The following NFATC2 variants were observed in gnomAD, a reference collection of about 807,000 sequenced individuals.
NFATC2 encodes nuclear factor of activated T-cells, cytoplasmic 2.
Under a neutral mutation model 87.3 loss-of-function variants are expected in NFATC2, and 22 were observed. The ratio of observed to expected loss-of-function variants is 0.25; its 90% CI spans 0.18 to 0.36. The LOEUF (loss-of-function observed/expected upper bound fraction) is 0.36. Among genes scored for constraint, NFATC2 ranks in the 10% least tolerant of loss-of-function variants. NFATC2 has a pLI of 1.00. For missense variants in NFATC2, 1,149 were observed against 1,259.1 expected, an observed-to-expected ratio of 0.91 and a Z score of 1.32; for synonymous variants, 565 against 542.2, an observed-to-expected ratio of 1.04 and a Z score of -0.58.
At chr20:51,503,264 GAAACTAGA>G (rs1165710950) in intron 3 of NFATC2, among the ~76,000 whole-genome samples, 1 of 152,190 alleles carries the variant, frequency 6.6e-6, no homozygotes, top group Non-Finnish European at 1.5e-5. Flanking sequence ...ATTTATGAAA[GAAACTAGA>G]GCAGTTTGCA....
intron 3 of NFATC2, among the ~76,000 whole-genome samples, chr20:51,501,740 C>T (rs2076092596): frequency 6.6e-6 from 1 of 152,172 alleles, no homozygotes; most frequent in Non-Finnish European, 1.5e-5. Context: ...ATAGGTCTCC[C>T]TCCACCAGAA....
chr20:51,409,582 C>CA (rs1330228931), intron 9 of NFATC2, among the ~76,000 whole-genome samples: 1 of 152,186 alleles, frequency 6.6e-6, no homozygotes, highest in African/African-American at 2.4e-5. Context: ...ATGAGCCCAC[C>CA]AGACCCACCT....
intron 5 of NFATC2, among the ~76,000 whole-genome samples, chr20:51,463,175 C>G (rs901863206): frequency 1.3e-5 from 2 of 152,232 alleles, no homozygotes; most frequent in Admixed American, 6.5e-5. Context: ...GGCCAGCAGA[C>G]AGGCCCCTCA....
chr20:51,461,538 A>G (rs1316019311), intron 5 of NFATC2, among the ~76,000 whole-genome samples: 1 of 152,178 alleles, frequency 6.6e-6, no homozygotes, highest in Non-Finnish European at 1.5e-5. Flanking sequence ...TGAGCTCTGA[A>G]TCAACAGGAC....
intron 6 of NFATC2, among the ~76,000 whole-genome samples, chr20:51,448,883 TC>T (rs1985428555): frequency 6.6e-6 from 1 of 152,088 alleles, no homozygotes; most frequent in Non-Finnish European, 1.5e-5. Context: ...AATATAATAA[TC>T]ATTATTATTA....
At chr20:51,440,936 C>G (rs1451673075) in intron 6 of NFATC2, among the ~76,000 whole-genome samples, 1 of 152,190 alleles carries the variant, frequency 6.6e-6, no homozygotes, top group Non-Finnish European at 1.5e-5. Flanking sequence ...CCTGGAGAAC[C>G]CAATAATCCC....
chr20:51,427,236 G>C (rs577338195), intron 9 of NFATC2, among the ~76,000 whole-genome samples: 21 of 152,230 alleles, frequency 1.4e-4, no homozygotes, highest in Admixed American at 9.1e-4. Context: ...TGCACCCCCA[G>C]TTCAGCTGTG....
chr20:51,464,519 G>T (rs1434905139), intron 5 of NFATC2, among the ~76,000 whole-genome samples: 2 of 152,316 alleles, frequency 1.3e-5, no homozygotes, highest in East Asian at 1.9e-4. Context: ...CAGCTTTCTG[G>T]CACTTCTGAA....
Position 51,523,922 on chromosome 20 carries a change from A to T in NFATC2, c.319T>A (p.Ser107Thr), listed in dbSNP as rs918137244. 2 of 1,603,266 alleles carry T rather than the reference A, an allele frequency of 1.2e-6. No homozygotes were observed. The highest frequency in any genetic ancestry group is 8.5e-7 in the Non-Finnish European group (1 of 1,177,030). ...ATCTCGATCCGAGGGCTCAGGCCCG[A>T]GGCCCCTGCTGGCTTGGCCGCGCTC... is the stretch of plus-strand genomic sequence containing the variant. ...FLSAAKPAGA[S>T]GLSPRIEITP... is the part of the protein sequence containing the mutation. The change falls in exon 2 of 11, where the codon TCG becomes ACG. Residue 107 changes from serine to threonine, a missense_variant. Physicochemically the swap from Ser to Thr is moderately conservative, Grantham distance 58. Transcript: ENST00000371564. The surrounding 1 kb of genome is among the most constrained non-coding windows in gnomAD (Gnocchi z 6.9).
chr20:51,463,022 T>C (rs1296973500), intron 5 of NFATC2, among the ~76,000 whole-genome samples: 1 of 152,246 alleles, frequency 6.6e-6, no homozygotes, highest in East Asian at 1.9e-4. Flanking sequence ...TGAGCAACCC[T>C]GGCCTTGGCG....
chr20:51,409,495 T>C (rs933892205), intron 9 of NFATC2, among the ~76,000 whole-genome samples: 4 of 152,200 alleles, frequency 2.6e-5, no homozygotes, highest in African/African-American at 9.6e-5. Context: ...GTAGCAATTA[T>C]GCTAAGGTGT....
At chr20:51,514,077 C>T (rs902358799) in intron 3 of NFATC2, among the ~76,000 whole-genome samples, 2 of 152,256 alleles carry the variant, frequency 1.3e-5, no homozygotes, top group Non-Finnish European at 2.9e-5. Flanking sequence ...TAAGTTAACA[C>T]ATATGCAGCA....
chr20:51,466,155 T>C (rs1400506420), intron 5 of NFATC2, among the ~76,000 whole-genome samples: 2 of 152,222 alleles, frequency 1.3e-5, no homozygotes, highest in African/African-American at 2.4e-5. Context: ...CGGGTTCAAG[T>C]GATTCTCCTG....
At position 51,432,424 on chromosome 20, in the gene NFATC2, CG is replaced by C; in HGVS notation, c.2364del (p.Gly789AlafsTer22). 6.3e-7 allele frequency: 1 copy of C among 1,589,280 alleles called. No individual in the cohort carries two copies. The highest frequency in any genetic ancestry group is 8.6e-7 in the Non-Finnish European group (1 of 1,166,008). On this transcript the variant is annotated frameshift_variant, in exon 9 of 11. Transcript: ENST00000371564. LOFTEE classifies it high-confidence loss of function. This position sits in a 1 kb window ranked among gnomAD's most constrained non-coding sequence, Gnocchi z 4.6. ...ADAHRSVLVH[A>X]GSQGQSSALL... ...AGGGCTGAGCTCTGGCCCTGGGAGC[CG>C]GCGTGCACCAGCACAGAGCGGTGAG...
upstream of NFATC2, chr20:51,562,757 G>A: frequency 1.2e-6 from 1 of 860,890 alleles, no homozygotes; most frequent in Non-Finnish European, 1.8e-6. This position sits in a 1 kb window ranked among gnomAD's most constrained non-coding sequence, Gnocchi z 5.8. Flanking sequence ...GCCTCGGAGC[G>A]ACCCGGGAGC....
chr20:51,505,756 G>T (rs1039264051), intron 3 of NFATC2, among the ~76,000 whole-genome samples: 2 of 152,072 alleles, frequency 1.3e-5, no homozygotes, highest in African/African-American at 4.8e-5. Flanking sequence ...CGTTGTCGTG[G>T]CATCGTTTGA....
intron 6 of NFATC2, among the ~76,000 whole-genome samples, chr20:51,437,575 A>C (rs1983754506): frequency 6.7e-6 from 1 of 150,332 alleles, no homozygotes. Context: ...ACTCCCACCC[A>C]CCTCCCCCAT....
At chr20:51,407,407 A>G (rs944427125) in intron 9 of NFATC2, among the ~76,000 whole-genome samples, 1 of 152,264 alleles carries the variant, frequency 6.6e-6, no homozygotes, top group Non-Finnish European at 1.5e-5. Context: ...GCAGTGAGCA[A>G]TAAACGGCTG....
In NFATC2 at chr20:51,542,446, G is replaced by A. The variant is rs767060010; in HGVS notation, c.54C>T (p.His18=). ...CGTCTTGGGGGCTGCCCCCAGGCTC[G>A]TGGCCTGGGGCGTCCCCGCCGTCGG... ...PQPDGGDAPG[H]EPGGSPQDEL... Residue 18 remains histidine (H), a synonymous_variant, in exon 1 of 11, where the codon CAC becomes CAT. Coordinates refer to ENST00000371564, the MANE Select transcript of NFATC2 (RefSeq NM_012340.5). 1.9e-6 allele frequency: 3 copies of A among 1,580,452 alleles called. No homozygotes were observed. In the South Asian group the frequency reaches 3.4e-5, roughly 18 times the overall value.
Sources: allele counts gnomAD v4.1 joint callset (sites outside exome capture counted in the v4.1 genomes callset), GRCh38; gene constraint gnomAD v4.1.1; non-coding constraint Gnocchi (gnomAD v3.1); transcripts MANE v1.5; gene names NCBI Gene and HGNC (gene_info 2026-07-23, HGNC 2026-07-21).